The following CERS6 variants were observed in gnomAD, a reference collection of about 807,000 sequenced individuals.
CERS6 encodes LAG1 homolog, ceramide synthase 6.
CERS6 carries 26 observed loss-of-function variants against 56.8 expected under a neutral mutation model. That is an observed-to-expected ratio of 0.46 (90% confidence interval 0.34 to 0.63). The LOEUF is 0.63. Among genes scored for constraint, CERS6 ranks in the 30% least tolerant of loss-of-function variants. CERS6 has a pLI of 0.01. For missense variants in CERS6, 415 were observed against 467.5 expected (o/e 0.89, Z 1.04); for synonymous variants, 164 against 173.3 (o/e 0.95, Z 0.42).
intron 2 of CERS6, 101 bp downstream of exon 2, chr2:168,547,802 G>A: frequency 1.2e-6 from 1 of 802,260 alleles, no homozygotes; most frequent in Admixed American, 2.1e-5. Flanking sequence ...ATCAACTTTT[G>A]CCTAGCCTTA....
intron 1 of CERS6, among the ~76,000 whole-genome samples, chr2:168,534,876 C>A (rs1382525257): frequency 6.6e-6 from 1 of 152,204 alleles, no homozygotes; most frequent in African/African-American, 2.4e-5. Context: ...ACCCCTCCCA[C>A]TAGGAGATTA....
chr2:168,480,714 T>C (rs184961726), intron 1 of CERS6, among the ~76,000 whole-genome samples: 1 of 152,322 alleles, frequency 6.6e-6, no homozygotes, highest in East Asian at 1.9e-4. Context: ...ATAGAAATGC[T>C]TTTGAACTTC....
intron 4 of CERS6, among the ~76,000 whole-genome samples, chr2:168,647,219 A>G (rs2893097): frequency 0.15 from 22,881 of 152,042 alleles, 1,992 homozygotes; most frequent in South Asian, 0.33. Context: ...AATGTTTTCT[A>G]ATTATGATTG....
At chr2:168,650,745 A>G (rs1045005114) in intron 4 of CERS6, among the ~76,000 whole-genome samples, 3 of 151,928 alleles carry the variant, frequency 2.0e-5, no homozygotes, top group South Asian at 4.2e-4. Flanking sequence ...GTGCATTCAT[A>G]TACCCCTTCA....
At chr2:168,722,012 C>A (rs140673035) in intron 8 of CERS6, among the ~76,000 whole-genome samples, 1 of 152,040 alleles carries the variant, frequency 6.6e-6, no homozygotes, top group African/African-American at 2.4e-5. Flanking sequence ...CCAACACTTA[C>A]GATTTTTCAT....
intron 6 of CERS6, among the ~76,000 whole-genome samples, chr2:168,703,218 G>A (rs1686846841): frequency 6.6e-6 from 1 of 152,202 alleles, no homozygotes; most frequent in South Asian, 2.1e-4. Context: ...AGACCAAAAT[G>A]TGTGAGAATG....
intron 1 of CERS6, among the ~76,000 whole-genome samples, chr2:168,546,016 C>CGT (rs1295664571): frequency 6.6e-6 from 1 of 152,078 alleles, no homozygotes; most frequent in African/African-American, 2.4e-5. Context: ...TTTGCTGGAC[C>CGT]GTATGTCTTT....
chr2:168,649,637 T>TC (rs1399637437), intron 4 of CERS6, among the ~76,000 whole-genome samples: 1 of 152,086 alleles, frequency 6.6e-6, no homozygotes, highest in African/African-American at 2.4e-5. Context: ...GTTTGCTTTA[T>TC]CCCCCCGTAG....
At chr2:168,581,540 A>T (rs1207441563) in intron 3 of CERS6, among the ~76,000 whole-genome samples, 2 of 151,998 alleles carry the variant, frequency 1.3e-5, no homozygotes, top group African/African-American at 4.8e-5. Flanking sequence ...CAAATCACTA[A>T]TTCCCTTTTA....
Position 168,771,312 on chromosome 2 carries a change from A to G in CERS6, c.*1650A>G, listed in dbSNP as rs1684855865. 1 of 152,218 alleles carries G rather than the reference A, an allele frequency of 6.6e-6. No individual in the cohort carries two copies. The highest frequency in any genetic ancestry group is 1.5e-5 in the Non-Finnish European group (1 of 68,036). 9.4% of individuals were successfully genotyped at this position (152,218 alleles called of 1,614,324 possible). On this transcript the variant is annotated 3_prime_UTR_variant, in exon 10 of 10. Coordinates refer to ENST00000305747, the MANE Select transcript of CERS6 (RefSeq NM_203463.3). ...GTTAATAGTTAAAAGAATGTTCCCAACCAAAAAATTCTTACCGTAATATTA... is the reference window on the plus strand; with the variant it reads ...GTTAATAGTTAAAAGAATGTTCCCAGCCAAAAAATTCTTACCGTAATATTA...
chr2:168,670,819 C>T (rs1685888774), intron 4 of CERS6, among the ~76,000 whole-genome samples: 1 of 152,082 alleles, frequency 6.6e-6, no homozygotes, highest in Non-Finnish European at 1.5e-5. Flanking sequence ...TGTATTTTTG[C>T]TTATTTCTCT....
chr2:168,687,192 A>C (rs1414380962), intron 4 of CERS6, among the ~76,000 whole-genome samples: 2 of 152,236 alleles, frequency 1.3e-5, no homozygotes, highest in African/African-American at 4.8e-5. Context: ...CTGGATGAGA[A>C]GCTTATCTTT....
chr2:168,463,138 G>A (rs143080905), intron 1 of CERS6, among the ~76,000 whole-genome samples: 2 of 152,236 alleles, frequency 1.3e-5, no homozygotes, highest in East Asian at 3.9e-4. Context: ...TGAGAATTTA[G>A]GAAATACACT....
At chr2:168,574,607 G>C (rs574702015) in intron 3 of CERS6, among the ~76,000 whole-genome samples, 2 of 152,180 alleles carry the variant, frequency 1.3e-5, no homozygotes, top group African/African-American at 4.8e-5. Context: ...ATTTAATATA[G>C]TGATTAAATA....
chr2:168,600,555 G>A (rs1190162167), intron 3 of CERS6, among the ~76,000 whole-genome samples: 1 of 152,042 alleles, frequency 6.6e-6, no homozygotes, highest in African/African-American at 2.4e-5. Flanking sequence ...CTATATCCTT[G>A]CCCCAGACCC....
intron 1 of CERS6, among the ~76,000 whole-genome samples, chr2:168,546,062 A>G (rs904847535): frequency 6.6e-6 from 1 of 152,202 alleles, no homozygotes; most frequent in Non-Finnish European, 1.5e-5. Flanking sequence ...ATGAGGGGCA[A>G]ATAACCACAA....
intron 1 of CERS6, among the ~76,000 whole-genome samples, chr2:168,522,992 A>G (rs76617942): frequency 0.016 from 2,429 of 152,356 alleles, 68 homozygotes; most frequent in African/African-American, 0.055. Context: ...TGTGCCAGCA[A>G]TGATACTATT....
intron 8 of CERS6, among the ~76,000 whole-genome samples, chr2:168,719,823 A>C (rs932178599): frequency 5.9e-5 from 9 of 152,228 alleles, no homozygotes; most frequent in African/African-American, 2.2e-4. Context: ...AATATAATGC[A>C]GGCTTTATAG....
intron 1 of CERS6, among the ~76,000 whole-genome samples, chr2:168,475,503 C>G (rs1329714127): frequency 6.6e-6 from 1 of 150,652 alleles, no homozygotes; most frequent in Admixed American, 6.7e-5. Flanking sequence ...TGGTAGAGAA[C>G]TTACTGCGTA....
Sources: gnomAD v4.1 joint callset for allele counts (sites outside exome capture counted in the v4.1 genomes callset) on GRCh38, gnomAD v4.1.1 for gene constraint, MANE v1.5 for transcripts, NCBI Gene and HGNC (gene_info 2026-07-23, HGNC 2026-07-21) for gene names.